The following RGS6 variants were observed in gnomAD, a reference collection of about 807,000 sequenced individuals.
RGS6 encodes regulator of G protein signaling 6, also known as regulator of G-protein signaling 6.
RGS6 carries 30 observed loss-of-function variants against 78.5 expected under a neutral mutation model. The observed-to-expected ratio is 0.38, with a 90% CI of 0.29 to 0.52. RGS6 has a LOEUF of 0.52. Ranked by LOEUF, RGS6 falls within the 20% of genes least tolerant of loss-of-function variation. RGS6 has a pLI of 0.85. For missense variants in RGS6, 495 were observed against 609.7 expected, an observed-to-expected ratio of 0.81 and a Z score of 1.98; for synonymous variants, 206 against 206.0, an observed-to-expected ratio of 1.00 and a Z score of 0.00.
chr14:72,073,088 G>T (rs1363245589), intron 2 of RGS6, among the ~76,000 whole-genome samples: 4 of 152,176 alleles, frequency 2.6e-5, no homozygotes, highest in Admixed American at 1.3e-4. Flanking sequence ...TCCTCCTTCT[G>T]CCACTCACTA....
chr14:72,037,387 G>A (rs914792470), intron 2 of RGS6, among the ~76,000 whole-genome samples: 1 of 152,116 alleles, frequency 6.6e-6, no homozygotes, highest in Non-Finnish European at 1.5e-5. Flanking sequence ...GAAGGTCTGC[G>A]GCTTCATTCT....
chr14:72,470,269 T>A lies in RGS6; in HGVS notation c.536+186T>A, dbSNP rs906675373. On this transcript the variant is annotated intron_variant, in intron 8 of 17. Coordinates refer to ENST00000553525, the MANE Select transcript of RGS6 (RefSeq NM_001204424.2). Reference sequence around the variant, plus strand: ...TTTGTCTTCATAATCAATGCTTCTCTAAAGCAATTTCAGAAATGTGTGTTT... The same window carrying A: ...TTTGTCTTCATAATCAATGCTTCTCAAAAGCAATTTCAGAAATGTGTGTTT... Among the ~76,000 whole-genome samples the A allele has an allele frequency of 3.0e-4, 46 of 152,336 alleles. 1 individual carries two copies. Among genetic ancestry groups the A allele is most frequent in the South Asian group, 8.3e-4 (4 of 4,818 alleles).
At chr14:72,618,634 G>A in the RGS6 span, among the ~76,000 whole-genome samples, 1 of 152,078 alleles carries the variant, frequency 6.6e-6, no homozygotes, top group Admixed American at 6.6e-5. Context: ...CCATGTCTCT[G>A]CGCGTCTCCC....
chr14:72,242,826 C>G (rs934164368), intron 2 of RGS6, among the ~76,000 whole-genome samples: 2 of 140,380 alleles, frequency 1.4e-5, no homozygotes, highest in African/African-American at 5.3e-5. Flanking sequence ...ATTTTTCCAA[C>G]TTCATTTCTT....
chr14:72,246,278 T>C (rs535229781), intron 2 of RGS6, among the ~76,000 whole-genome samples: 1 of 152,354 alleles, frequency 6.6e-6, no homozygotes, highest in African/African-American at 2.4e-5. Context: ...AGCCCTGTGA[T>C]ACTACCTAGT....
intron 2 of RGS6, among the ~76,000 whole-genome samples, chr14:72,326,430 G>C (rs1490357315): frequency 6.6e-6 from 1 of 152,112 alleles, no homozygotes; most frequent in Non-Finnish European, 1.5e-5. Flanking sequence ...GGAGGTGTTT[G>C]GGTCATGGGG....
intron 17 of RGS6, among the ~76,000 whole-genome samples, chr14:72,558,218 T>C (rs570763302): frequency 3.9e-5 from 6 of 152,272 alleles, no homozygotes; most frequent in African/African-American, 1.4e-4. Context: ...AGACTTGAGA[T>C]CTGTAACTTC....
chr14:72,454,174 A>T (rs1566887684), intron 3 of RGS6, among the ~76,000 whole-genome samples: 1 of 152,186 alleles, frequency 6.6e-6, no homozygotes, highest in Non-Finnish European at 1.5e-5. Context: ...CTTGTAATTG[A>T]TGGTAGGGAG....
At chr14:72,512,482 C>G (rs8013020) in intron 14 of RGS6, among the ~76,000 whole-genome samples, 1 of 152,158 alleles carries the variant, frequency 6.6e-6, no homozygotes, top group East Asian at 1.9e-4. Flanking sequence ...CAGCTCCTTT[C>G]CCCATGCCAG....
At chr14:72,489,820 C>T (rs1023285424) in intron 12 of RGS6, among the ~76,000 whole-genome samples, 2 of 152,228 alleles carry the variant, frequency 1.3e-5, no homozygotes, top group East Asian at 1.9e-4. Flanking sequence ...TGATATCAGA[C>T]TTCTAGCCTC....
chr14:72,442,219 A>G (rs773283320), intron 3 of RGS6, among the ~76,000 whole-genome samples: 3 of 152,050 alleles, frequency 2.0e-5, no homozygotes, highest in African/African-American at 7.2e-5. Flanking sequence ...TTGCCCTTCT[A>G]GGACTCTTTT....
chr14:72,547,203 A>G (rs1567103266), intron 17 of RGS6: 2 of 1,535,422 alleles, frequency 1.3e-6, no homozygotes, highest in Non-Finnish European at 8.7e-7. Context: ...GCACCGCAGC[A>G]GAGGGGGCCA....
At chr14:72,201,518 C>G (rs964850640) in intron 2 of RGS6, among the ~76,000 whole-genome samples, 2 of 152,150 alleles carry the variant, frequency 1.3e-5, no homozygotes, top group Admixed American at 1.3e-4. Flanking sequence ...TTATCTAAAG[C>G]CTGAGCTGTT....
At chr14:72,628,996 C>T in the RGS6 span, among the ~76,000 whole-genome samples, 1 of 152,154 alleles carries the variant, frequency 6.6e-6, no homozygotes, top group East Asian at 1.9e-4. Context: ...ATGTATGGGC[C>T]TTATTTGAAT....
chr14:72,449,800 TATTGAGCCTCGGG>T (rs1360505752), intron 3 of RGS6, among the ~76,000 whole-genome samples: 3 of 152,048 alleles, frequency 2.0e-5, no homozygotes, highest in African/African-American at 7.2e-5. Context: ...GGAGGCACAC[TATTGAGCCTCGGG>T]ATTGAGCCTC....
At chr14:72,482,541 TCTATGTGG>T (rs2096402329) in intron 12 of RGS6, among the ~76,000 whole-genome samples, 1 of 152,230 alleles carries the variant, frequency 6.6e-6, no homozygotes, top group South Asian at 2.1e-4. Context: ...GCCATGTTTC[TCTATGTGG>T]CTATGGGTTG....
intron 3 of RGS6, among the ~76,000 whole-genome samples, chr14:72,377,670 A>G (rs2085100035): frequency 6.6e-6 from 1 of 152,164 alleles, no homozygotes; most frequent in Admixed American, 6.5e-5. Context: ...AAATCTCAAA[A>G]AGCTTTTCAA....
intron 2 of RGS6, among the ~76,000 whole-genome samples, chr14:72,243,704 A>G (rs1184008585): frequency 1.3e-5 from 2 of 152,090 alleles, no homozygotes; most frequent in Non-Finnish European, 2.9e-5. Context: ...CCTTTCGTTT[A>G]ATGGGGAAGG....
intron 3 of RGS6, among the ~76,000 whole-genome samples, chr14:72,435,721 G>A (rs79456258): frequency 0.02 from 3,012 of 151,828 alleles, 99 homozygotes; most frequent in African/African-American, 0.069. Flanking sequence ...TGGCATGTTT[G>A]TGCTTCTCAT....
Sources: gnomAD v4.1 joint callset for allele counts (sites outside exome capture counted in the v4.1 genomes callset) on GRCh38, gnomAD v4.1.1 for gene constraint, MANE v1.5 for transcripts, NCBI Gene and HGNC (gene_info 2026-07-23, HGNC 2026-07-21) for gene names.